PTPRM: variants seen among roughly 807,000 people sequenced by gnomAD.
PTPRM encodes protein tyrosine phosphatase receptor type M.
PTPRM carries 47 observed loss-of-function variants against 186.7 expected under a neutral mutation model. The ratio of observed to expected loss-of-function variants is 0.25; its 90% confidence interval spans 0.20 to 0.32. The LOEUF (loss-of-function observed/expected upper bound fraction) is 0.32, where lower values mean the gene tolerates loss of function less well. Ranked by LOEUF, PTPRM falls within the 10% of genes least tolerant of loss-of-function variation. The probability of loss-of-function intolerance (pLI) is 1.00; values close to 1 mark genes in which losing one functional copy is unlikely to be tolerated. For missense variants in PTPRM, 1,494 were observed against 1,865.0 expected (o/e 0.80, Z 3.66); for synonymous variants, 668 against 674.9 (o/e 0.99, Z 0.16).
At chr18:8,183,386 A>G (rs2093602700) in intron 14 of PTPRM, among the ~76,000 whole-genome samples, 1 of 152,172 alleles carries the variant, frequency 6.6e-6, no homozygotes, top group African/African-American at 2.4e-5. Flanking sequence ...CAATCGGGAG[A>G]GACAAAAAAG....
intron 22 of PTPRM, among the ~76,000 whole-genome samples, chr18:8,325,673 A>G (rs190905074): frequency 1.3e-5 from 2 of 152,234 alleles, no homozygotes; most frequent in East Asian, 3.9e-4. Flanking sequence ...AGAATGATTT[A>G]TTTTTCTTTG....
intron 7 of PTPRM, among the ~76,000 whole-genome samples, chr18:7,987,993 A>G (rs1171369108): frequency 6.8e-6 from 1 of 147,992 alleles, no homozygotes; most frequent in Non-Finnish European, 1.5e-5. Context: ...CCTGGACAAC[A>G]TAGTGAGACC....
rs2036478909 is a variant in PTPRM at position 7,568,256 on chromosome 18, G to C, written c.73+365G>C. 6.6e-6 allele frequency among the ~76,000 whole-genome samples: 1 copy of C among 151,798 alleles called. No homozygotes were observed. Among genetic ancestry groups the C allele is most frequent in the Non-Finnish European group, 1.5e-5 (1 of 67,882 alleles). On this transcript the variant is annotated intron_variant, in intron 1 of 32. Coordinates refer to ENST00000580170, the MANE Select transcript of PTPRM (RefSeq NM_001105244.2). This position sits in a 1 kb window ranked among gnomAD's most constrained non-coding sequence, Gnocchi z 5.1. ...CAGAAAACTTTGCTTGAAGTTCCCA[G>C]TTGCAGCCGCCGGGCCGCCTGGCGT...
At chr18:7,786,526 A>G (rs2043103771) in intron 2 of PTPRM, among the ~76,000 whole-genome samples, 1 of 152,228 alleles carries the variant, frequency 6.6e-6, no homozygotes, top group Non-Finnish European at 1.5e-5. Context: ...AATCCTTGGC[A>G]TAAAACTTGA....
At chr18:8,036,852 C>A (rs1251126415) in intron 7 of PTPRM, among the ~76,000 whole-genome samples, 3 of 152,104 alleles carry the variant, frequency 2.0e-5, no homozygotes, top group Non-Finnish European at 2.9e-5. Context: ...TCAAAGATGG[C>A]CTTATTTACA....
chr18:8,156,740 G>A (rs1461360081), intron 14 of PTPRM, among the ~76,000 whole-genome samples: 17 of 152,280 alleles, frequency 1.1e-4, no homozygotes, highest in South Asian at 1.0e-3. Flanking sequence ...TCAGCTTGTT[G>A]CAGTTTACCA....
At chr18:7,949,147 C>T (rs747618568) in intron 5 of PTPRM, 34 bp from the exon 6 acceptor site, 38 of 1,523,296 alleles carry the variant, frequency 2.5e-5, no homozygotes, top group Non-Finnish European at 3.3e-5. Context: ...GCTTATATTG[C>T]TTCTTTTTGT....
rs149139324 is a variant in PTPRM at position 8,380,137 on chromosome 18, A to G, written c.3787-159A>G. On this transcript the variant is annotated intron_variant, in intron 28 of 32. Transcript: ENST00000580170. The stretch of plus-strand genomic sequence containing the variant: ...ACTATTATTCTGCAGAGAAGTTTAT[A>G]TTTAGTCTATGTTGGTGCTGACAAT... Among the ~76,000 whole-genome samples, 1,355 of 152,350 alleles carry G rather than the reference A, an allele frequency of 8.9e-3. 17 individuals carry two copies. Among genetic ancestry groups the G allele is most frequent in the African/African-American group, 0.03 (1,261 of 41,586 alleles).
At chr18:8,114,944 T>C in intron 13 of PTPRM, 117 bp downstream of exon 13, 1 of 706,270 alleles carries the variant, frequency 1.4e-6, no homozygotes, top group Non-Finnish European at 2.4e-6. Flanking sequence ...GTGTATTATA[T>C]ATACATATAT....
intron 1 of PTPRM, among the ~76,000 whole-genome samples, chr18:7,589,656 A>G (rs2037072370): frequency 6.6e-6 from 1 of 152,184 alleles, no homozygotes. Context: ...TTTGGCAAAT[A>G]CTGTATGTCT....
In PTPRM at chr18:8,372,405, G is replaced by A. The variant is rs570344669; in HGVS notation, c.3171+1399G>A. ...CTATATTCTCACTGCATCTAAATGC[G>A]CTTTTTAGATGAACAAGACCAGTTT... On this transcript the variant is annotated intron_variant, in intron 24 of 32. Transcript: ENST00000580170. Among the ~76,000 whole-genome samples, 13 of 152,196 alleles carry A rather than the reference G, an allele frequency of 8.5e-5. No homozygotes were observed. In the East Asian group the frequency reaches 1.4e-3, roughly 16 times the overall value.
intron 3 of PTPRM, among the ~76,000 whole-genome samples, chr18:7,897,819 G>C (rs2049445398): frequency 6.6e-6 from 1 of 152,018 alleles, no homozygotes. Context: ...TCTGTGCACG[G>C]CCTCTTGAAT....
intron 32 of PTPRM, among the ~76,000 whole-genome samples, chr18:8,397,435 A>C (rs569132871): frequency 1.3e-5 from 2 of 152,378 alleles, no homozygotes; most frequent in Admixed American, 1.3e-4. Context: ...CTCAAGATGT[A>C]TTTCTGCAAA....
At chr18:7,942,588 C>A (rs868611594) in intron 5 of PTPRM, among the ~76,000 whole-genome samples, 5 of 151,844 alleles carry the variant, frequency 3.3e-5, no homozygotes. Flanking sequence ...AGTTTCCTAG[C>A]CCATCTCAGG....
At chr18:8,019,688 T>C (rs763056200) in intron 7 of PTPRM, among the ~76,000 whole-genome samples, 11 of 150,970 alleles carry the variant, frequency 7.3e-5, no homozygotes, top group Non-Finnish European at 1.2e-4. Context: ...GGATTAGGGG[T>C]GGTGCTTCAC....
chr18:7,962,631 T>A (rs947176446), intron 7 of PTPRM, among the ~76,000 whole-genome samples: 1 of 152,222 alleles, frequency 6.6e-6, no homozygotes, highest in African/African-American at 2.4e-5. Flanking sequence ...CAAGGGGGCA[T>A]TACATGAAGC....
Position 7,567,967 on chromosome 18 carries a change from G to T in PTPRM, c.73+76G>T. The T allele has an allele frequency of 7.0e-7, 1 of 1,418,788 alleles. No homozygotes were observed. The highest frequency in any genetic ancestry group is 1.4e-5 in the South Asian group (1 of 73,400). The allele number at this position is 1,418,788 out of a possible 1,614,324, so 87.9% of individuals were successfully genotyped here. On this transcript the variant is annotated intron_variant, in intron 1 of 32. Transcript: ENST00000580170. The surrounding 1 kb of genome is among the most constrained non-coding windows in gnomAD (Gnocchi z 4.3). ...CGCCCGGGACGCCGACAGCTCCCTG[G>T]TGGTAGAGCCCTAAGGCTGGCGTCG...
At chr18:7,985,618 T>C (rs2082918940) in intron 7 of PTPRM, among the ~76,000 whole-genome samples, 2 of 150,344 alleles carry the variant, frequency 1.3e-5, no homozygotes, top group South Asian at 4.2e-4. Flanking sequence ...CATATACTGG[T>C]AGATACGTAT....
At chr18:8,270,177 G>T (rs145137101) in intron 19 of PTPRM, 1 of 151,460 alleles carries the variant, frequency 6.6e-6, no homozygotes. Context: ...TTTGAAGACC[G>T]TATATCTGAT....
Sources: gnomAD v4.1 joint callset for allele counts (sites outside exome capture counted in the v4.1 genomes callset) on GRCh38, gnomAD v4.1.1 for gene constraint, Gnocchi (gnomAD v3.1) non-coding constraint, MANE v1.5 for transcripts, NCBI Gene and HGNC (gene_info 2026-07-23, HGNC 2026-07-21) for gene names.